Variants in KIF26B observed in about 807,000 individuals in gnomAD.
KIF26B encodes the protein kinesin family member 26B.
KIF26B carries 63 observed loss-of-function variants against 151.2 expected under a neutral mutation model. The observed-to-expected ratio is 0.42, with a 90% CI of 0.34 to 0.51. The LOEUF (loss-of-function observed/expected upper bound fraction) is 0.51. KIF26B is among the 20% of genes least tolerant of loss of function. The pLI is 0.07. For missense variants in KIF26B, 2,813 were observed against 2,913.6 expected (o/e 0.97, Z 0.79); for synonymous variants, 1,357 against 1,262.1 (o/e 1.08, Z -1.59).
chr1:245,632,129 G>A (rs542212034), intron 9 of KIF26B, among the ~76,000 whole-genome samples: 3 of 151,940 alleles, frequency 2.0e-5, no homozygotes, highest in South Asian at 4.1e-4. Flanking sequence ...TCATTCGGTT[G>A]TCTATTTGAA....
chr1:245,646,201 T>C lies in KIF26B; in HGVS notation c.2179T>C (p.Ser727Pro), dbSNP rs2043944331. 6.2e-7 allele frequency: 1 copy of C among 1,613,988 alleles called. No homozygotes were observed. The highest frequency in any genetic ancestry group is 8.5e-7 in the Non-Finnish European group (1 of 1,179,890). Residue 727 changes from serine (S) to proline (P), a missense_variant, in exon 10 of 15, where the codon TCA becomes CCA. Ser to Pro is a moderately conservative substitution (Grantham distance 74, BLOSUM62 -1). This residue lies in a region of KIF26B where 2,060 missense variants were observed against 2,088.6 expected (regional missense o/e 0.99). Transcript: ENST00000407071. ...TCTTAGCAAAAATCGAGAAGGAGGCTCAGGGCTGTGTCTCTCGCTGTCTGC... is the reference window on the plus strand; with the variant it reads ...TCTTAGCAAAAATCGAGAAGGAGGCCCAGGGCTGTGTCTCTCGCTGTCTGC... ...KALSKNREGG[S>P]GLCLSLSALG...
chr1:245,353,703 C>G (rs1028627252), intron 2 of KIF26B: 3 of 152,708 alleles, frequency 2.0e-5, no homozygotes, highest in African/African-American at 7.2e-5. Flanking sequence ...CCTGCTCCTC[C>G]CGCCCTCCCC....
chr1:245,537,579 T>C (rs1661515524), intron 4 of KIF26B, among the ~76,000 whole-genome samples: 2 of 152,186 alleles, frequency 1.3e-5, no homozygotes, highest in African/African-American at 4.8e-5. Context: ...AAGATGGTAG[T>C]AAAGGTGGTG....
chr1:245,472,232 A>C (rs907534599), intron 4 of KIF26B, among the ~76,000 whole-genome samples: 2 of 152,240 alleles, frequency 1.3e-5, no homozygotes, highest in Non-Finnish European at 2.9e-5. Context: ...TGAGACGTAC[A>C]GAAACACACA....
Position 245,686,130 on chromosome 1 carries a change from C to T in KIF26B, c.3147C>T (p.Ser1049=), listed in dbSNP as rs968978276. 7 of 1,611,772 alleles carry T rather than the reference C, an allele frequency of 4.3e-6. No homozygotes were observed. Among genetic ancestry groups the T allele is most frequent in the Non-Finnish European group, 5.9e-6 (7 of 1,179,534 alleles). The part of the protein sequence containing the change: ...QSPSLQSSRE[S]LNSCGFVEGK... The stretch of plus-strand genomic sequence containing the variant: ...CCAGCCTCCAGAGCAGCCGGGAGAG[C>T]CTCAACTCCTGCGGCTTCGTGGAAG... The change falls in exon 12 of 15, where the codon AGC becomes AGT. Residue 1049 remains serine (S), a synonymous_variant. Transcript: ENST00000407071. This position sits in a 1 kb window ranked among gnomAD's most constrained non-coding sequence, Gnocchi z 5.6.
At chr1:245,474,172 G>C (rs1346259850) in intron 4 of KIF26B, among the ~76,000 whole-genome samples, 1 of 148,166 alleles carries the variant, frequency 6.7e-6, no homozygotes, top group Admixed American at 6.7e-5. Context: ...GCAGTGGCAT[G>C]ATCTCAGCTC....
chr1:245,188,432 T>G (rs1331757909), intron 2 of KIF26B, among the ~76,000 whole-genome samples: 3 of 152,070 alleles, frequency 2.0e-5, no homozygotes, highest in African/African-American at 7.2e-5. Context: ...TGTCCCAAGA[T>G]CTTACTTTCC....
In KIF26B at chr1:245,597,907, C is replaced by T. The variant is rs1235570706; in HGVS notation, c.1351-4670C>T. The stretch of plus-strand genomic sequence containing the variant: ...TCTTCAATCTCTGCTATCCTTTCTT[C>T]CGCTTGATCGATTCAGCTATTGATA... On this transcript the variant is annotated intron_variant, in intron 5 of 14. Coordinates refer to ENST00000407071, the MANE Select transcript of KIF26B (RefSeq NM_018012.4). This position sits in a 1 kb window ranked among gnomAD's most constrained non-coding sequence, Gnocchi z 4.6. Among the ~76,000 whole-genome samples the T allele has an allele frequency of 1.3e-5, 2 of 152,078 alleles. No homozygotes were observed. The highest frequency in any genetic ancestry group is 2.9e-5 in the Non-Finnish European group (2 of 68,032).
At chr1:245,656,575 G>A (rs971499892) in intron 10 of KIF26B, among the ~76,000 whole-genome samples, 24 of 152,184 alleles carry the variant, frequency 1.6e-4, no homozygotes, top group African/African-American at 5.1e-4. Context: ...GGGACAGTAC[G>A]GAGAGCCCAA....
At position 245,367,386 on chromosome 1, in the gene KIF26B, C is replaced by T; in HGVS notation, c.999+19C>T. On this transcript the variant is annotated intron_variant, in intron 3 of 14. Coordinates refer to ENST00000407071, the MANE Select transcript of KIF26B (RefSeq NM_018012.4). The surrounding 1 kb of genome is among the most constrained non-coding windows in gnomAD (Gnocchi z 4.2). ...ATACCAGGTAAGTAGCCTGTGTGAG[C>T]CAGGAAGAGCAGGGCTGGCTGGAGT... The T allele has an allele frequency of 1.9e-6, 3 of 1,565,098 alleles. No individual in the cohort carries two copies. The highest frequency in any genetic ancestry group is 2.6e-6 in the Non-Finnish European group (3 of 1,153,316).
Position 245,687,152 on chromosome 1 carries a change from A to G in KIF26B, c.4169A>G (p.Asn1390Ser), listed in dbSNP as rs776186263. ...GAGGGGTACATCCCCATGAAGACCA[A>G]TATCACAGTTTACCCCTGCATTGCC... ...SCEGYIPMKT[N>S]ITVYPCIAMS... Residue 1390 changes from asparagine to serine, a missense_variant, in exon 12 of 15, where the codon AAT becomes AGT. By Grantham distance (46) the Asn-to-Ser change is conservative (BLOSUM62 1). Around this residue, in one of 3 missense-constraint regions of KIF26B, gnomAD observed 2,060 missense variants for 2,088.6 expected, o/e 0.99. Transcript: ENST00000407071. This position sits in a 1 kb window ranked among gnomAD's most constrained non-coding sequence, Gnocchi z 4.9. 1 of 1,613,294 alleles carries G rather than the reference A, an allele frequency of 6.2e-7. No homozygotes were observed. The highest frequency in any genetic ancestry group is 8.5e-7 in the Non-Finnish European group (1 of 1,179,798).
intron 4 of KIF26B, among the ~76,000 whole-genome samples, chr1:245,492,579 A>C (rs71636561): frequency 0.033 from 5,059 of 152,300 alleles, 132 homozygotes; most frequent in Non-Finnish European, 0.05. Context: ...CGCCAGACTA[A>C]ATAAGGCTAC....
At chr1:245,589,247 G>A (rs1558227084) in intron 5 of KIF26B, among the ~76,000 whole-genome samples, 1 of 152,178 alleles carries the variant, frequency 6.6e-6, no homozygotes, top group Non-Finnish European at 1.5e-5. Flanking sequence ...TCCCAGGCTG[G>A]AGAAATAGCC....
At chr1:245,511,455 C>T (rs1023727257) in intron 4 of KIF26B, among the ~76,000 whole-genome samples, 1 of 152,098 alleles carries the variant, frequency 6.6e-6, no homozygotes, top group Non-Finnish European at 1.5e-5. Context: ...TTCAGAGTTG[C>T]TAAAATATTT....
chr1:245,389,297 G>C (rs1055793413), intron 3 of KIF26B, among the ~76,000 whole-genome samples: 4 of 152,008 alleles, frequency 2.6e-5, no homozygotes, highest in Non-Finnish European at 5.9e-5. Context: ...ATTTTTAGTA[G>C]AGACAGGGTT....
At chr1:245,435,678 A>G (rs1046927662) in intron 4 of KIF26B, among the ~76,000 whole-genome samples, 8 of 152,164 alleles carry the variant, frequency 5.3e-5, no homozygotes, top group Admixed American at 2.6e-4. Context: ...AAGCTCATCC[A>G]TGTTGAAATA....
intron 12 of KIF26B, among the ~76,000 whole-genome samples, chr1:245,692,775 G>A (rs887000646): frequency 2.6e-5 from 4 of 152,126 alleles, no homozygotes; most frequent in Non-Finnish European, 4.4e-5. Flanking sequence ...GACCAACAAC[G>A]TGATAAGGTG....
At position 245,602,907 on chromosome 1, in the gene KIF26B, G is replaced by C; in HGVS notation, c.1557+124G>C. 1.2e-6 allele frequency: 1 copy of C among 822,090 alleles called. No individual in the cohort carries two copies. Among genetic ancestry groups the C allele is most frequent in the Non-Finnish European group, 2.0e-6 (1 of 492,704 alleles). The allele number at this position is 822,090 out of a possible 1,614,324, so 50.9% of individuals were successfully genotyped here. On this transcript the variant is annotated intron_variant, in intron 6 of 14. Transcript: ENST00000407071. This position sits in a 1 kb window ranked among gnomAD's most constrained non-coding sequence, Gnocchi z 4.5. ...CATTCTGATGGACCAGTTCCTTCAGGAGTCAATCTGAGCTCCACCGAATGG... is the reference window on the plus strand; with the variant it reads ...CATTCTGATGGACCAGTTCCTTCAGCAGTCAATCTGAGCTCCACCGAATGG...
chr1:245,548,938 T>C (rs941313835), intron 5 of KIF26B, among the ~76,000 whole-genome samples: 1 of 151,974 alleles, frequency 6.6e-6, no homozygotes, highest in Non-Finnish European at 1.5e-5. Flanking sequence ...AGAGGTGGGG[T>C]TTCACCATGT....
Sources: gnomAD v4.1 joint callset for allele counts (sites outside exome capture counted in the v4.1 genomes callset) on GRCh38, gnomAD v4.1.1 for gene constraint, gnomAD v4.1.1 regional missense constraint, Gnocchi (gnomAD v3.1) non-coding constraint, MANE v1.5 for transcripts, NCBI Gene and HGNC (gene_info 2026-07-23, HGNC 2026-07-21) for gene names.